TBC1D8: variants seen among roughly 807,000 people sequenced by gnomAD.
TBC1D8 encodes BUB2-like protein 1.
TBC1D8 carries 65 observed loss-of-function variants against 118.8 expected under a neutral mutation model. The ratio of observed to expected loss-of-function variants is 0.55; its 90% CI spans 0.45 to 0.67. The LOEUF (loss-of-function observed/expected upper bound fraction) is 0.67. Among genes scored for constraint, TBC1D8 ranks in the 30% least tolerant of loss-of-function variants. The pLI is 0.00. For synonymous variants in TBC1D8, 566 were observed against 595.8 expected (o/e 0.95, Z 0.73); for missense variants, 1,376 against 1,471.2 (o/e 0.94, Z 1.06).
At position 101,151,179 on chromosome 2, in the gene TBC1D8, G is replaced by A; in HGVS notation, c.75C>T (p.Tyr25=). The part of the protein sequence containing the change: ...KLWVTQKSSC[Y]FILQRRRGHG... ...GCCCGCGGCGCCGCTGCAGGATGAAGTAGCAGCTGCTCTTCTGGGTCACCC... is the reference window on the plus strand; with the variant it reads ...GCCCGCGGCGCCGCTGCAGGATGAAATAGCAGCTGCTCTTCTGGGTCACCC... Residue 25 remains tyrosine, a synonymous_variant, in exon 1 of 20, where the codon TAC becomes TAT. Coordinates refer to ENST00000409318, the MANE Select transcript of TBC1D8 (RefSeq NM_001330348.2). 1 of 1,248,520 alleles carries A rather than the reference G, an allele frequency of 8.0e-7. No individual in the cohort carries two copies. The highest frequency in any genetic ancestry group is 1.0e-6 in the Non-Finnish European group (1 of 970,000). 77.3% of individuals were successfully genotyped at this position (1,248,520 alleles called of 1,614,324 possible). A position where few individuals can be genotyped will look rare whatever the true frequency, so the allele number is the denominator to read the frequency against.
At chr2:101,098,528 A>G (rs1455959177) in intron 1 of TBC1D8, among the ~76,000 whole-genome samples, 3 of 152,214 alleles carry the variant, frequency 2.0e-5, no homozygotes, top group Admixed American at 1.3e-4. Context: ...CTAGACATCT[A>G]CAGAACTCTC....
chr2:101,074,246 G>A (rs570993656), intron 2 of TBC1D8, among the ~76,000 whole-genome samples: 11 of 152,328 alleles, frequency 7.2e-5, no homozygotes, highest in African/African-American at 2.6e-4. Context: ...AGTGGGTGGA[G>A]CAGTCAGAAT....
At chr2:101,107,962 G>A (rs1677329781) in intron 1 of TBC1D8, among the ~76,000 whole-genome samples, 2 of 152,064 alleles carry the variant, frequency 1.3e-5, no homozygotes, top group South Asian at 2.1e-4. Context: ...AGGAGGCTGA[G>A]GTAGGAGGAT....
intron 1 of TBC1D8, among the ~76,000 whole-genome samples, chr2:101,098,297 T>C (rs1171841428): frequency 6.6e-6 from 1 of 151,912 alleles, no homozygotes; most frequent in Non-Finnish European, 1.5e-5. Flanking sequence ...GAGAATCGCT[T>C]GAAACCATAG....
At chr2:101,079,843 G>A (rs1024346967) in intron 2 of TBC1D8, among the ~76,000 whole-genome samples, 12 of 151,628 alleles carry the variant, frequency 7.9e-5, no homozygotes, top group African/African-American at 2.2e-4. Flanking sequence ...CCGCCACCAC[G>A]CCTGGCTAAT....
chr2:101,129,203 G>A (rs1032522624), intron 1 of TBC1D8, among the ~76,000 whole-genome samples: 12 of 152,060 alleles, frequency 7.9e-5, no homozygotes, highest in African/African-American at 2.4e-4. Flanking sequence ...ACAGTGGCAC[G>A]ATTTTGGCTC....
rs1558634347 is a variant in TBC1D8 at position 101,029,747 on chromosome 2, C to A, written c.1966G>T (p.Glu656Ter). The change falls in exon 12 of 20, where the codon GAG (glutamate) becomes TAG (stop). Residue 656 changes from glutamate to a stop codon, truncating the protein, a stop_gained. Transcript: ENST00000409318. LOFTEE classifies it high-confidence loss of function. ...GAQVDQSVFEELIKGHLPELA... is the reference protein window; with the variant it reads ...GAQVDQSVFE ...TCTGGGAGATGACCCTTGATGAGCT[C>A]CTCGAAGACAGACTGGTCAACTTGT... 1 of 1,613,782 alleles carries A rather than the reference C, an allele frequency of 6.2e-7. No individual in the cohort carries two copies. The highest frequency in any genetic ancestry group is 1.1e-5 in the South Asian group (1 of 91,074).
At chr2:101,071,121 C>T (rs1223625392) in intron 2 of TBC1D8, among the ~76,000 whole-genome samples, 4 of 151,922 alleles carry the variant, frequency 2.6e-5, no homozygotes, top group South Asian at 2.1e-4. Context: ...GGGCGGATCA[C>T]GAGGTCAGGA....
chr2:101,043,448 C>T (rs1050126433), intron 5 of TBC1D8, among the ~76,000 whole-genome samples: 4 of 152,198 alleles, frequency 2.6e-5, no homozygotes, highest in Non-Finnish European at 5.9e-5. Context: ...ATCTCACAAA[C>T]GTGGTTCTAG....
intron 1 of TBC1D8, among the ~76,000 whole-genome samples, 172 bp from the exon 2 acceptor site, chr2:101,090,536 C>G (rs969383490): frequency 2.9e-4 from 44 of 152,238 alleles, no homozygotes; most frequent in Non-Finnish European, 8.8e-5. Context: ...GCCAAGGGCT[C>G]TGTCTGCATC....
chr2:101,110,462 C>T (rs1027532354), intron 1 of TBC1D8, among the ~76,000 whole-genome samples: 3 of 152,144 alleles, frequency 2.0e-5, no homozygotes, highest in Admixed American at 6.5e-5. Context: ...CAGCTTTGGG[C>T]CCAGAAGTAC....
chr2:101,084,665 T>C (rs1245979966), intron 2 of TBC1D8, among the ~76,000 whole-genome samples: 3 of 152,158 alleles, frequency 2.0e-5, no homozygotes, highest in Non-Finnish European at 4.4e-5. Context: ...GTTATTCATG[T>C]TGCTATCTGC....
intron 6 of TBC1D8, among the ~76,000 whole-genome samples, chr2:101,039,595 C>G (rs1573918256): frequency 6.6e-6 from 1 of 152,152 alleles, no homozygotes; most frequent in Non-Finnish European, 1.5e-5. Context: ...GCCCTGAAGC[C>G]AAAGGACTGA....
chr2:101,011,331 A>T, intron 18 of TBC1D8, 120 bp downstream of exon 18: 1 of 1,049,824 alleles, frequency 9.5e-7, no homozygotes. Context: ...GTTTGGGGAT[A>T]ATTCATTGGA....
At chr2:101,026,089 T>C (rs1680321322) in intron 15 of TBC1D8, among the ~76,000 whole-genome samples, 1 of 152,232 alleles carries the variant, frequency 6.6e-6, no homozygotes, top group Non-Finnish European at 1.5e-5. Flanking sequence ...TGGCTGGTAC[T>C]TAACAAAATT....
rs1331228243 is a variant in TBC1D8 at position 101,036,152 on chromosome 2, T to A, written c.1469A>T (p.Lys490Ile). 1.2e-6 allele frequency: 2 copies of A among 1,613,726 alleles called. No individual in the cohort carries two copies. The highest frequency in any genetic ancestry group is 1.7e-6 in the Non-Finnish European group (2 of 1,179,792). ...PDSRMSREQI[K>I]ISLWNDHFVE... ...AAAGTGGTCATTCCACAGGCTTATT[T>A]TTATCTGTTCTCTGGACTGGAAATG... The change falls in exon 9 of 20, where the codon AAA becomes ATA. Residue 490 changes from lysine to isoleucine, a missense_variant. Lys to Ile is a moderately radical substitution (Grantham distance 102, BLOSUM62 -3). Coordinates refer to ENST00000409318, the MANE Select transcript of TBC1D8 (RefSeq NM_001330348.2).
intron 2 of TBC1D8, among the ~76,000 whole-genome samples, chr2:101,076,529 C>G (rs1018718039): frequency 2.0e-5 from 3 of 152,244 alleles, no homozygotes; most frequent in Admixed American, 6.5e-5. Context: ...TTCCAGTTTC[C>G]AGGAAACATG....
chr2:101,071,433 G>C (rs1467545439), intron 2 of TBC1D8, among the ~76,000 whole-genome samples: 1 of 152,220 alleles, frequency 6.6e-6, no homozygotes, highest in East Asian at 1.9e-4. Context: ...CTGTGGGGAG[G>C]CTAGAAATGT....
intron 1 of TBC1D8, among the ~76,000 whole-genome samples, chr2:101,127,070 T>G (rs1344504080): frequency 2.6e-5 from 4 of 152,132 alleles, no homozygotes; most frequent in Non-Finnish European, 5.9e-5. Flanking sequence ...GGCGCAGTGG[T>G]TGATACCTGT....
Sources: gnomAD v4.1 joint callset for allele counts (sites outside exome capture counted in the v4.1 genomes callset) on GRCh38, gnomAD v4.1.1 for gene constraint, MANE v1.5 for transcripts, NCBI Gene and HGNC (gene_info 2026-07-23, HGNC 2026-07-21) for gene names.